GPATCH2: variants seen among roughly 807,000 people sequenced by gnomAD.
GPATCH2 encodes the protein G-patch domain containing 2.
GPATCH2 carries 51 observed loss-of-function variants against 58.0 expected under a neutral mutation model. The observed-to-expected ratio is 0.88, with a 90% CI of 0.70 to 1.11. The LOEUF (loss-of-function observed/expected upper bound fraction) is 1.11. GPATCH2 is among the 50% of genes most tolerant of loss of function. The pLI, the probability that GPATCH2 is intolerant of heterozygous loss-of-function variation, is 0.00. For missense variants in GPATCH2, 625 were observed against 652.2 expected (o/e 0.96, Z 0.45); for synonymous variants, 222 against 218.5 (o/e 1.02, Z -0.14).
intron 5 of GPATCH2, among the ~76,000 whole-genome samples, chr1:217,601,243 T>C (rs972987840): frequency 6.6e-6 from 1 of 152,136 alleles, no homozygotes; most frequent in Non-Finnish European, 1.5e-5. Flanking sequence ...TATAAATATT[T>C]AGCATCTGTA....
At chr1:217,582,561 C>G (rs892940664) in intron 5 of GPATCH2, among the ~76,000 whole-genome samples, 1 of 151,786 alleles carries the variant, frequency 6.6e-6, no homozygotes, top group African/African-American at 2.4e-5. Context: ...AAAGCAACAC[C>G]ACAATTTTAC....
chr1:217,432,619 G>C (rs1658595660), intron 9 of GPATCH2, among the ~76,000 whole-genome samples: 1 of 152,074 alleles, frequency 6.6e-6, no homozygotes, highest in Non-Finnish European at 1.5e-5. Context: ...TGTATGAAAA[G>C]GGAATATAGT....
chr1:217,526,306 A>G (rs149198422), intron 5 of GPATCH2, among the ~76,000 whole-genome samples: 150 of 152,340 alleles, frequency 9.8e-4, no homozygotes, highest in Middle Eastern at 6.8e-3. Flanking sequence ...CCTAAAACAA[A>G]CATGCAGGCA....
chr1:217,554,532 A>G (rs1002361962), intron 5 of GPATCH2, among the ~76,000 whole-genome samples: 1 of 152,214 alleles, frequency 6.6e-6, no homozygotes, highest in African/African-American at 2.4e-5. Flanking sequence ...CACAATTTGA[A>G]CATTATTGTT....
chr1:217,525,503 C>T (rs1270373924), intron 5 of GPATCH2, among the ~76,000 whole-genome samples: 1 of 152,088 alleles, frequency 6.6e-6, no homozygotes, highest in Non-Finnish European at 1.5e-5. Context: ...AGTCTTCATT[C>T]CCATTTCCCA....
intron 5 of GPATCH2, among the ~76,000 whole-genome samples, chr1:217,607,783 C>G (rs1339803239): frequency 3.9e-5 from 6 of 152,058 alleles, no homozygotes; most frequent in African/African-American, 1.4e-4. Flanking sequence ...AACTTTCCCC[C>G]AAAAAATGTT....
chr1:217,550,181 C>A (rs1293059974), intron 5 of GPATCH2, among the ~76,000 whole-genome samples: 1 of 152,096 alleles, frequency 6.6e-6, no homozygotes, highest in Non-Finnish European at 1.5e-5. Flanking sequence ...TTAGCTGTGA[C>A]ACATGGTAGG....
rs1261357060 is a variant in GPATCH2, at chr1:217,559,995, C to A, written c.1099-45106G>T. Among the ~76,000 whole-genome samples, 4 of 152,140 alleles carry A rather than the reference C, an allele frequency of 2.6e-5. No individual in the cohort carries two copies. The East Asian group carries it at 7.7e-4, about 29-fold the overall frequency. ...TCCCAAGTAGCTGGGAGTACAGGCACACGCCACCATGCCTGGCTAATTTTT... is the reference window on the plus strand; with the variant it reads ...TCCCAAGTAGCTGGGAGTACAGGCAAACGCCACCATGCCTGGCTAATTTTT... On this transcript the variant is annotated intron_variant, in intron 5 of 9. Transcript: ENST00000366935.
chr1:217,595,925 A>G (rs1194268126), intron 5 of GPATCH2, among the ~76,000 whole-genome samples: 3 of 152,146 alleles, frequency 2.0e-5, no homozygotes, highest in African/African-American at 7.2e-5. Context: ...CTAACCTTTA[A>G]AATATATATA....
In GPATCH2 at chr1:217,610,949, G is replaced by A; in HGVS notation, c.958C>T (p.Pro320Ser). The A allele has an allele frequency of 1.2e-6, 2 of 1,613,248 alleles. No homozygotes were observed. The highest frequency in any genetic ancestry group is 1.7e-6 in the Non-Finnish European group (2 of 1,179,494). The change falls in exon 4 of 10, where the codon CCT becomes TCT. Residue 320 changes from proline to serine, a missense_variant. Pro to Ser is a moderately conservative substitution (Grantham distance 74). Transcript: ENST00000366935. ...PTELDKNVPD[P>S]VFESILTGSF... ...CCAGTTAAGATACTTTCAAAGACAG[G>A]ATCTGGTACATTTTTGTCTAGCTCA... is the stretch of plus-strand genomic sequence containing the variant.
In GPATCH2 at chr1:217,611,061, T is replaced by C. The variant is rs764029633; in HGVS notation, c.846A>G (p.Glu282=). The C allele has an allele frequency of 3.7e-6, 6 of 1,612,860 alleles. No individual in the cohort carries two copies. The South Asian group carries it at 4.4e-5, about 12-fold the overall frequency. The part of the protein sequence containing the change: ...TNDEGRQGDD[E]QSDWFYEKES... ...CCTTTTCGTAGAACCAGTCACTCTG[T>C]TCATCATCACCTGTGCAAATACAAG... is the stretch of plus-strand genomic sequence containing the variant. The change falls in exon 4 of 10, where the codon GAA becomes GAG. Residue 282 remains glutamate (E), a synonymous_variant. Coordinates refer to ENST00000366935, the MANE Select transcript of GPATCH2 (RefSeq NM_018040.5).
At chr1:217,614,515 C>G (rs1048730667) in intron 2 of GPATCH2, among the ~76,000 whole-genome samples, 2 of 151,972 alleles carry the variant, frequency 1.3e-5, no homozygotes, top group African/African-American at 2.4e-5. Context: ...CTGCTCCTTT[C>G]TTACGTCATG....
At chr1:217,499,770 T>C (rs1262631517) in intron 6 of GPATCH2, among the ~76,000 whole-genome samples, 1 of 151,878 alleles carries the variant, frequency 6.6e-6, no homozygotes, top group Non-Finnish European at 1.5e-5. Context: ...ACATTTTTCT[T>C]AAACGCATTC....
In GPATCH2 at chr1:217,567,749, A is replaced by C. The variant is rs1202142578; in HGVS notation, c.1098+42572T>G. On this transcript the variant is annotated intron_variant, in intron 5 of 9. Coordinates refer to ENST00000366935, the MANE Select transcript of GPATCH2 (RefSeq NM_018040.5). ...TCTATTGAAGTAACTCATGCTAAGG[A>C]AATAATTTTATACCTGTGCATGCCT... Among the ~76,000 whole-genome samples the C allele has an allele frequency of 2.6e-4, 39 of 152,206 alleles. 1 individual carries two copies. Among genetic ancestry groups the C allele is most frequent in the Admixed American group, 2.6e-3 (39 of 15,286 alleles).
intron 6 of GPATCH2, among the ~76,000 whole-genome samples, chr1:217,504,376 T>C (rs1047041041): frequency 3.3e-5 from 5 of 152,296 alleles, no homozygotes; most frequent in Admixed American, 3.3e-4. Flanking sequence ...TCTGCCGATA[T>C]ATCCACTAAA....
intron 5 of GPATCH2, among the ~76,000 whole-genome samples, chr1:217,528,598 C>G (rs1664037957): frequency 6.6e-6 from 1 of 152,126 alleles, no homozygotes; most frequent in Non-Finnish European, 1.5e-5. Flanking sequence ...GGTGGAAGGT[C>G]AGAGAAGCAT....
intron 6 of GPATCH2, among the ~76,000 whole-genome samples, chr1:217,513,910 C>T (rs866567485): frequency 2.0e-5 from 3 of 151,666 alleles, no homozygotes; most frequent in Admixed American, 6.6e-5. Context: ...CTGTAACCTC[C>T]GCCTCCCAAG....
rs1662341108 is a variant in GPATCH2, at chr1:217,502,177, T to TA, written c.1167-3783dup. On this transcript the variant is annotated intron_variant, in intron 6 of 9. Transcript: ENST00000366935. ...ATAATTCCTACAACTTTGTTCTTTTTAAAAAAATTGTTTTTGTGATTCAAA... is the reference window on the plus strand; with the variant it reads ...ATAATTCCTACAACTTTGTTCTTTTTAAAAAAAATTGTTTTTGTGATTCAAA... Among the ~76,000 whole-genome samples the TA allele has an allele frequency of 2.0e-5, 3 of 152,178 alleles. No individual in the cohort carries two copies. The South Asian group carries it at 6.2e-4, about 32-fold the overall frequency.
At chr1:217,576,274 T>C (rs1666798646) in intron 5 of GPATCH2, among the ~76,000 whole-genome samples, 1 of 152,152 alleles carries the variant, frequency 6.6e-6, no homozygotes, top group African/African-American at 2.4e-5. Context: ...CACTATCTGG[T>C]AGTAACACAA....
Sources: allele counts gnomAD v4.1 joint callset (sites outside exome capture counted in the v4.1 genomes callset), GRCh38; gene constraint gnomAD v4.1.1; transcripts MANE v1.5; gene names NCBI Gene and HGNC (gene_info 2026-07-23, HGNC 2026-07-21).